The following GPR158 variants were observed in gnomAD, a reference collection of about 807,000 sequenced individuals.
GPR158 encodes G protein-coupled receptor 158, also known as metabotropic glycine receptor.
GPR158 carries 30 observed loss-of-function variants against 78.2 expected under a neutral mutation model. That is an observed-to-expected ratio of 0.38 (90% confidence interval 0.29 to 0.52). The LOEUF (loss-of-function observed/expected upper bound fraction) is 0.52. GPR158 is among the 20% of genes least tolerant of loss of function. The pLI, the probability that GPR158 is intolerant of heterozygous loss-of-function variation, is 0.83. For missense variants in GPR158, 1,463 were observed against 1,523.5 expected, an observed-to-expected ratio of 0.96 and a Z score of 0.66; for synonymous variants, 581 against 591.1, an observed-to-expected ratio of 0.98 and a Z score of 0.25.
chr10:25,533,175 G>A (rs772192061), intron 5 of GPR158, among the ~76,000 whole-genome samples: 16 of 152,028 alleles, frequency 1.1e-4, no homozygotes, highest in East Asian at 1.9e-4. Flanking sequence ...TAGAATTCTC[G>A]CTGCACTGTA....
intron 6 of GPR158, among the ~76,000 whole-genome samples, chr10:25,571,994 G>T (rs1837015612): frequency 6.6e-6 from 1 of 152,060 alleles, no homozygotes; most frequent in Non-Finnish European, 1.5e-5. Context: ...AATATGAAAT[G>T]ATTTTCAGAA....
intron 5 of GPR158, among the ~76,000 whole-genome samples, chr10:25,520,446 C>T (rs1416777142): frequency 6.6e-6 from 1 of 150,462 alleles, no homozygotes; most frequent in Non-Finnish European, 1.5e-5. Flanking sequence ...GGAGGAGAGG[C>T]GTTCTGCGTT....
chr10:25,576,892 C>A (rs182847707), intron 7 of GPR158, among the ~76,000 whole-genome samples: 127 of 149,418 alleles, frequency 8.5e-4, no homozygotes, highest in East Asian at 2.8e-3. Context: ...TGTCATCTCA[C>A]AGTCATTGCT....
intron 2 of GPR158, among the ~76,000 whole-genome samples, chr10:25,336,494 G>T (rs1393975181): frequency 6.6e-6 from 1 of 151,866 alleles, no homozygotes; most frequent in Non-Finnish European, 1.5e-5. Context: ...AGTGCCTCAG[G>T]GTTAGACTCT....
At chr10:25,482,286 C>T (rs996029438) in intron 5 of GPR158, among the ~76,000 whole-genome samples, 8 of 152,008 alleles carry the variant, frequency 5.3e-5, no homozygotes, top group Non-Finnish European at 1.0e-4. Flanking sequence ...TGGGCTTATG[C>T]GATCCTCCCA....
At chr10:25,455,076 T>C (rs1007302643) in intron 4 of GPR158, among the ~76,000 whole-genome samples, 2 of 152,200 alleles carry the variant, frequency 1.3e-5, no homozygotes, top group Non-Finnish European at 2.9e-5. Flanking sequence ...ATAGTTTGAC[T>C]ATGACATTGG....
chr10:25,430,634 A>T (rs2130574596), intron 4 of GPR158, among the ~76,000 whole-genome samples: 1 of 150,356 alleles, frequency 6.7e-6, no homozygotes, highest in South Asian at 2.1e-4. Context: ...ACAGTAACCA[A>T]AACAGCATGG....
At chr10:25,249,773 C>G (rs947918459) in intron 2 of GPR158, among the ~76,000 whole-genome samples, 1 of 152,072 alleles carries the variant, frequency 6.6e-6, no homozygotes, top group African/African-American at 2.4e-5. Context: ...CTAAAATTCT[C>G]TTTTTTTGTT....
At chr10:25,190,370 T>G (rs1368346892) in intron 1 of GPR158, among the ~76,000 whole-genome samples, 1 of 152,080 alleles carries the variant, frequency 6.6e-6, no homozygotes, top group Admixed American at 6.6e-5. Flanking sequence ...TCTTACTTTG[T>G]CACCCAGGCT....
At chr10:25,467,940 C>G (rs887196283) in intron 5 of GPR158, among the ~76,000 whole-genome samples, 2 of 151,980 alleles carry the variant, frequency 1.3e-5, no homozygotes, top group African/African-American at 4.8e-5. Context: ...GTAGAATTCT[C>G]CCTTGCTGTC....
intron 3 of GPR158, among the ~76,000 whole-genome samples, chr10:25,406,733 A>G (rs1223937929): frequency 1.3e-5 from 2 of 152,100 alleles, no homozygotes; most frequent in Non-Finnish European, 2.9e-5. Context: ...CTTTCTTTAC[A>G]GCTGGTTTTC....
At chr10:25,457,393 A>C (rs1357650134) in intron 4 of GPR158, among the ~76,000 whole-genome samples, 1 of 151,844 alleles carries the variant, frequency 6.6e-6, no homozygotes, top group Non-Finnish European at 1.5e-5. Flanking sequence ...ATAACCCCTC[A>C]AGACAAGATC....
intron 6 of GPR158, among the ~76,000 whole-genome samples, chr10:25,570,640 G>A (rs1198633418): frequency 6.6e-6 from 1 of 152,088 alleles, no homozygotes; most frequent in African/African-American, 2.4e-5. Context: ...GCGTGGGCAC[G>A]GTGGCTCTCG....
intron 2 of GPR158, among the ~76,000 whole-genome samples, chr10:25,371,783 G>A (rs1833997174): frequency 7.5e-6 from 1 of 133,848 alleles, no homozygotes; most frequent in Non-Finnish European, 1.6e-5. Context: ...TACCATTCAG[G>A]ACATAGGCAA....
intron 2 of GPR158, among the ~76,000 whole-genome samples, chr10:25,351,537 A>G (rs1440497355): frequency 2.0e-5 from 3 of 151,818 alleles, no homozygotes; most frequent in Non-Finnish European, 4.4e-5. Context: ...TCCTAGTTGG[A>G]CCACATGATA....
At chr10:25,421,072 T>A (rs1459587036) in intron 4 of GPR158, among the ~76,000 whole-genome samples, 1 of 152,232 alleles carries the variant, frequency 6.6e-6, no homozygotes, top group Admixed American at 6.5e-5. Flanking sequence ...CTTAACAGTA[T>A]TAAGTGTTCT....
intron 3 of GPR158, among the ~76,000 whole-genome samples, 169 bp from the exon 4 acceptor site, chr10:25,412,081 G>T (rs775242201): frequency 3.4e-5 from 5 of 146,082 alleles, no homozygotes; most frequent in Non-Finnish European, 6.0e-5. Context: ...AAAGAATTTT[G>T]TTAAGAGTCT....
At chr10:25,318,499 T>G (rs910902899) in intron 2 of GPR158, among the ~76,000 whole-genome samples, 1 of 152,158 alleles carries the variant, frequency 6.6e-6, no homozygotes, top group Admixed American at 6.5e-5. Context: ...CTTTCTTCCG[T>G]ACAGTTTTTG....
intron 2 of GPR158, among the ~76,000 whole-genome samples, chr10:25,288,757 A>C (rs4747516): frequency 6.6e-6 from 1 of 152,190 alleles, no homozygotes; most frequent in Non-Finnish European, 1.5e-5. Flanking sequence ...TCCAGTGTTT[A>C]TTAATGAGTA....
Sources: gnomAD v4.1 joint callset for allele counts (sites outside exome capture counted in the v4.1 genomes callset) on GRCh38, gnomAD v4.1.1 for gene constraint, MANE v1.5 for transcripts, NCBI Gene and HGNC (gene_info 2026-07-23, HGNC 2026-07-21) for gene names.